Variants in HTR2C observed in about 807,000 individuals in gnomAD.
HTR2C encodes the protein 5-hydroxytryptamine (serotonin) receptor 2C, G protein-coupled.
HTR2C carries 5 observed loss-of-function variants against 21.0 expected under a neutral mutation model. That is an observed-to-expected ratio of 0.24 (90% CI 0.12 to 0.50). The LOEUF is 0.50. Among genes scored for constraint, HTR2C ranks in the 20% least tolerant of loss-of-function variants. HTR2C has a pLI of 0.98. For synonymous variants in HTR2C, 150 were observed against 145.3 expected, an observed-to-expected ratio of 1.03 and a Z score of -0.23; for missense variants, 271 against 371.2, an observed-to-expected ratio of 0.73 and a Z score of 2.22.
rs781834764 is a variant in HTR2C at position 114,857,373 on chromosome X, T to C, written c.550+9170T>C. On this transcript the variant is annotated intron_variant, in intron 5 of 5. Transcript: ENST00000276198. ...CTCTTAGCTCATGTTCCATATAAAA[T>C]AGACTACAGACCAGATTTGGCCGAT... Among the ~76,000 whole-genome samples the C allele has an allele frequency of 2.7e-5, 3 of 111,446 alleles. No homozygotes were observed. In the South Asian group the frequency reaches 1.1e-3, roughly 42 times the overall value.
At chrX:114,889,971 G>A (rs1378925241) in intron 5 of HTR2C, among the ~76,000 whole-genome samples, 2 of 111,469 alleles carry the variant, frequency 1.8e-5, no homozygotes, top group African/African-American at 6.5e-5. Flanking sequence ...AGTTTTTATA[G>A]TTCTGATGAT....
At chrX:114,880,046 G>T (rs2071168515) in intron 5 of HTR2C, among the ~76,000 whole-genome samples, 1 of 109,225 alleles carries the variant, frequency 9.2e-6, no homozygotes, top group African/African-American at 3.3e-5. Context: ...TTCGTTTTTT[G>T]TATTGTAATA....
intron 2 of HTR2C, among the ~76,000 whole-genome samples, chrX:114,693,128 A>G (rs1038617939): frequency 1.1e-4 from 12 of 111,805 alleles, no homozygotes; most frequent in African/African-American, 3.6e-4. Context: ...GCATATAAAT[A>G]TTTCAATATA....
chrX:114,821,424 T>C (rs782054434), intron 4 of HTR2C, among the ~76,000 whole-genome samples: 2 of 111,647 alleles, frequency 1.8e-5, no homozygotes, highest in African/African-American at 6.5e-5. Context: ...ATTTTAATAA[T>C]TGTTTGGTAC....
At position 114,740,099 on chromosome X, in the gene HTR2C, CCT is replaced by C. The variant is rs1304609215; in HGVS notation, c.349+8506_349+8507del. Among the ~76,000 whole-genome samples, 20 of 106,275 alleles carry C rather than the reference CCT, an allele frequency of 1.9e-4. No individual in the cohort carries two copies. In the East Asian group the frequency reaches 4.7e-3, roughly 25 times the overall value. 92.3% of individuals were successfully genotyped at this position (106,275 alleles called of 115,157 possible). ...ACTCCAGCCTGGGTGACAGCCAAAC[CCT>C]CTCTCTCTCTCTCAAAAATATATAT... On this transcript the variant is annotated intron_variant, in intron 4 of 5. Coordinates refer to ENST00000276198, the MANE Select transcript of HTR2C (RefSeq NM_000868.4).
chrX:114,721,461 G>T (rs1422863972), intron 2 of HTR2C, among the ~76,000 whole-genome samples: 3 of 92,214 alleles, frequency 3.3e-5, no homozygotes, highest in Non-Finnish European at 4.3e-5. Flanking sequence ...CTCCCATTTT[G>T]TAGGTTGCCT....
chrX:114,629,530 C>G lies in HTR2C; in HGVS notation c.-80+15649C>G, dbSNP rs781845458. The stretch of plus-strand genomic sequence containing the variant: ...GGACATTTTATACCTATTGTAAGAA[C>G]CAAGCATTTGTGGGAACGTGAACCA... On this transcript the variant is annotated intron_variant, in intron 2 of 5. Transcript: ENST00000276198. Among the ~76,000 whole-genome samples, 11 of 111,947 alleles carry G rather than the reference C, an allele frequency of 9.8e-5. No homozygotes were observed. The East Asian group carries it at 3.1e-3, about 32-fold the overall frequency.
chrX:114,675,231 C>T (rs1295943600), intron 2 of HTR2C, among the ~76,000 whole-genome samples: 1 of 111,659 alleles, frequency 9.0e-6, no homozygotes, highest in Non-Finnish European at 1.9e-5. Context: ...GGGTGGTATG[C>T]ATATGGTAGA....
At chrX:114,766,615 A>G (rs1440417385) in intron 4 of HTR2C, among the ~76,000 whole-genome samples, 1 of 111,740 alleles carries the variant, frequency 8.9e-6, no homozygotes, top group African/African-American at 3.2e-5. Flanking sequence ...TGAATAGAAT[A>G]TATTACAACT....
At chrX:114,587,913 G>A (rs782371253) in intron 1 of HTR2C, among the ~76,000 whole-genome samples, 8 of 112,415 alleles carry the variant, frequency 7.1e-5, no homozygotes, top group Non-Finnish European at 1.1e-4. Flanking sequence ...ATGCTCACCT[G>A]CAACAACTCT....
At chrX:114,642,309 A>G (rs1930165599) in intron 2 of HTR2C, among the ~76,000 whole-genome samples, 1 of 112,211 alleles carries the variant, frequency 8.9e-6, no homozygotes, top group Non-Finnish European at 1.9e-5. Context: ...CCATTTTATC[A>G]GGATGTGGTC....
chrX:114,743,730 A>T (rs1395690582), intron 4 of HTR2C, among the ~76,000 whole-genome samples: 4 of 111,825 alleles, frequency 3.6e-5, no homozygotes, highest in African/African-American at 1.3e-4. Flanking sequence ...TGATTGCCCC[A>T]ATTTGGTGAA....
intron 2 of HTR2C, among the ~76,000 whole-genome samples, chrX:114,636,511 A>G (rs938621425): frequency 8.9e-6 from 1 of 112,190 alleles, no homozygotes; most frequent in African/African-American, 3.2e-5. Context: ...GTGGCATGAT[A>G]AATGTAGCTG....
intron 3 of HTR2C, among the ~76,000 whole-genome samples, chrX:114,730,725 A>G (rs781841697): frequency 8.9e-6 from 1 of 111,813 alleles, no homozygotes; most frequent in South Asian, 3.7e-4. Flanking sequence ...AGGGTCATGG[A>G]TGCTTTAAGA....
At chrX:114,898,007 A>G (rs1471922253) in intron 5 of HTR2C, among the ~76,000 whole-genome samples, 2 of 112,357 alleles carry the variant, frequency 1.8e-5, no homozygotes, top group Non-Finnish European at 3.8e-5. Flanking sequence ...GGTTAAACTA[A>G]TTTACACTGC....
chrX:114,745,932 T>C (rs1423226856), intron 4 of HTR2C, among the ~76,000 whole-genome samples: 1 of 111,823 alleles, frequency 8.9e-6, no homozygotes. Flanking sequence ...AAAAACTTAA[T>C]TGTACATTTT....
At chrX:114,821,978 C>G (rs1185971534) in intron 4 of HTR2C, among the ~76,000 whole-genome samples, 2 of 104,446 alleles carry the variant, frequency 1.9e-5, no homozygotes, top group African/African-American at 7.1e-5. Context: ...TCCCAAGTAG[C>G]TGGGCTTACA....
intron 4 of HTR2C, among the ~76,000 whole-genome samples, chrX:114,771,782 C>T (rs2070006485): frequency 8.9e-6 from 1 of 112,565 alleles, no homozygotes; most frequent in South Asian, 3.6e-4. Flanking sequence ...TTAAATCCAG[C>T]TCATGTTATT....
chrX:114,892,385 C>T (rs1011187873), intron 5 of HTR2C, among the ~76,000 whole-genome samples: 5 of 111,374 alleles, frequency 4.5e-5, no homozygotes, highest in Non-Finnish European at 3.8e-5. Context: ...CTGTTTCTTT[C>T]CATTTTGTTT....
Sources: allele counts gnomAD v4.1 joint callset (sites outside exome capture counted in the v4.1 genomes callset), GRCh38; gene constraint gnomAD v4.1.1; transcripts MANE v1.5; gene names NCBI Gene and HGNC (gene_info 2026-07-23, HGNC 2026-07-21).